Variants in PLXNC1 observed in about 807,000 individuals in gnomAD.
PLXNC1 encodes the protein plexin C1, also known as plexin-C1.
PLXNC1 carries 75 observed loss-of-function variants against 178.2 expected under a neutral mutation model. That is an observed-to-expected ratio of 0.42 (90% confidence interval 0.35 to 0.51). The LOEUF is 0.51. PLXNC1 is among the 20% of genes least tolerant of loss of function. PLXNC1 has a pLI of 0.02. For missense variants in PLXNC1, 1,503 were observed against 1,984.4 expected, an observed-to-expected ratio of 0.76 and a Z score of 4.61; for synonymous variants, 790 against 779.9, an observed-to-expected ratio of 1.01 and a Z score of -0.22.
At chr12:94,181,611 T>C (rs775334000) in intron 3 of PLXNC1, 31 bp downstream of exon 3, 1 of 1,557,490 alleles carries the variant, frequency 6.4e-7, no homozygotes, top group Non-Finnish European at 8.8e-7. Context: ...TTGCTTCTGA[T>C]TTATGAATAA....
chr12:94,211,696 C>G (rs1310285299), intron 5 of PLXNC1, among the ~76,000 whole-genome samples: 3 of 152,222 alleles, frequency 2.0e-5, no homozygotes, highest in Non-Finnish European at 4.4e-5. Flanking sequence ...CTCATACTCA[C>G]TATGGGATCA....
chr12:94,305,982 A>G lies in PLXNC1; in HGVS notation c.*697A>G, dbSNP rs943457418. The G allele has an allele frequency of 6.6e-5, 10 of 152,188 alleles. No homozygotes were observed. The highest frequency in any genetic ancestry group is 2.2e-4 in the African/African-American group (9 of 41,428). The allele number at this position is 152,188 out of a possible 1,614,324, so 9.4% of individuals were successfully genotyped here. A position where few individuals can be genotyped will look rare whatever the true frequency, so the allele number is the denominator to read the frequency against. On this transcript the variant is annotated 3_prime_UTR_variant, in exon 31 of 31. Coordinates refer to ENST00000258526, the MANE Select transcript of PLXNC1 (RefSeq NM_005761.3). ...AAGGAGAGTGGGCTTTATTTAAATG[A>G]ACAGCATTTTAACCAGATACTTTGT...
At chr12:94,254,016 A>C (rs1964772768) in intron 15 of PLXNC1, among the ~76,000 whole-genome samples, 1 of 152,182 alleles carries the variant, frequency 6.6e-6, no homozygotes, top group African/African-American at 2.4e-5. Flanking sequence ...CTAGAATAAC[A>C]GTGGTTGATT....
intron 23 of PLXNC1, among the ~76,000 whole-genome samples, chr12:94,287,356 G>C (rs992210754): frequency 1.3e-5 from 2 of 152,226 alleles, no homozygotes; most frequent in African/African-American, 2.4e-5. Flanking sequence ...TGGGGCATGT[G>C]CACCTGCATG....
intron 20 of PLXNC1, among the ~76,000 whole-genome samples, chr12:94,263,500 C>T (rs942273580): frequency 1.3e-5 from 2 of 152,004 alleles, no homozygotes; most frequent in African/African-American, 2.4e-5. Context: ...CCCACCTGGC[C>T]CCCTGACTCC....
chr12:94,246,584 G>A (rs1478010701), intron 12 of PLXNC1, among the ~76,000 whole-genome samples: 2 of 152,216 alleles, frequency 1.3e-5, no homozygotes, highest in Non-Finnish European at 2.9e-5. Context: ...ATCGCATGGC[G>A]CGAGTTTGTC....
intron 1 of PLXNC1, among the ~76,000 whole-genome samples, chr12:94,156,472 T>A (rs1460217086): frequency 2.0e-5 from 2 of 102,398 alleles, no homozygotes; most frequent in African/African-American, 6.9e-5. Flanking sequence ...ATCCCCACTG[T>A]CTATCTTTTT....
At chr12:94,299,942 T>C (rs1457507765) in intron 27 of PLXNC1, among the ~76,000 whole-genome samples, 4 of 152,126 alleles carry the variant, frequency 2.6e-5, no homozygotes, top group Non-Finnish European at 5.9e-5. Context: ...TTGAAGATTA[T>C]GGCATCTGAG....
chr12:94,295,201 G>C (rs1345046589), intron 24 of PLXNC1, among the ~76,000 whole-genome samples: 6 of 152,204 alleles, frequency 3.9e-5, no homozygotes, highest in African/African-American at 1.4e-4. Flanking sequence ...CACACACACA[G>C]CCAGAGGTAG....
intron 30 of PLXNC1, 79 bp from the exon 31 acceptor site, chr12:94,305,102 C>G (rs1593031297): frequency 3.7e-6 from 3 of 800,884 alleles, no homozygotes; most frequent in Non-Finnish European, 6.2e-6. Context: ...TTTTACCACT[C>G]ACAGCATCAG....
chr12:94,156,803 G>A (rs752942036), intron 1 of PLXNC1, among the ~76,000 whole-genome samples: 1 of 150,718 alleles, frequency 6.6e-6, no homozygotes, highest in Admixed American at 6.6e-5. Context: ...AAACTCTTGG[G>A]TTCAAGTGAT....
intron 11 of PLXNC1, among the ~76,000 whole-genome samples, chr12:94,241,529 C>T (rs192537784): frequency 1.2e-4 from 19 of 152,296 alleles, no homozygotes; most frequent in Non-Finnish European, 2.6e-4. Flanking sequence ...ACCACCCTTC[C>T]CAGCCTCTGA....
At chr12:94,292,821 G>A (rs143270702) in intron 23 of PLXNC1, among the ~76,000 whole-genome samples, 2 of 152,290 alleles carry the variant, frequency 1.3e-5, no homozygotes, top group Non-Finnish European at 2.9e-5. Flanking sequence ...CACCCACAAC[G>A]TTTCAGATTT....
At chr12:94,259,402 C>A in intron 18 of PLXNC1, 27 bp downstream of exon 18, 1 of 1,550,230 alleles carries the variant, frequency 6.5e-7, no homozygotes, top group Non-Finnish European at 8.8e-7. Flanking sequence ...TCATTTTTAG[C>A]CCAGTGACTG....
chr12:94,211,734 T>A (rs1039518786), intron 5 of PLXNC1, among the ~76,000 whole-genome samples: 10 of 152,244 alleles, frequency 6.6e-5, no homozygotes, highest in Admixed American at 6.5e-5. Context: ...TCAGAGCAAT[T>A]CCAGTTGTCC....
intron 9 of PLXNC1, among the ~76,000 whole-genome samples, chr12:94,233,100 C>T (rs1178348156): frequency 6.6e-6 from 1 of 152,186 alleles, no homozygotes; most frequent in East Asian, 1.9e-4. Context: ...GCAAGACCTC[C>T]AACCTGGCCA....
chr12:94,233,230 C>G (rs1420881936), intron 9 of PLXNC1, among the ~76,000 whole-genome samples: 2 of 152,112 alleles, frequency 1.3e-5, no homozygotes, highest in African/African-American at 4.8e-5. Flanking sequence ...ACAGGGAGAG[C>G]AGAATAGGCT....
chr12:94,180,676 C>T (rs557532779), intron 2 of PLXNC1, among the ~76,000 whole-genome samples: 7 of 152,338 alleles, frequency 4.6e-5, no homozygotes, highest in African/African-American at 1.7e-4. Context: ...TATATGTGAA[C>T]ACAAACCTAC....
intron 9 of PLXNC1, among the ~76,000 whole-genome samples, chr12:94,232,252 A>G (rs1291958679): frequency 1.3e-5 from 2 of 152,010 alleles, no homozygotes; most frequent in Non-Finnish European, 2.9e-5. Flanking sequence ...ATGCCCAGCT[A>G]ATTTTTTCCA....
Sources: gnomAD v4.1 joint callset for allele counts (sites outside exome capture counted in the v4.1 genomes callset) on GRCh38, gnomAD v4.1.1 for gene constraint, MANE v1.5 for transcripts, NCBI Gene and HGNC (gene_info 2026-07-23, HGNC 2026-07-21) for gene names.